The following CTDSPL2 variants were observed in gnomAD, a reference collection of about 807,000 sequenced individuals.
CTDSPL2 encodes the protein CTD small phosphatase like 2.
A neutral mutation model predicts 60.0 loss-of-function variants in CTDSPL2; 5 were observed. The ratio of observed to expected loss-of-function variants is 0.08; its 90% CI spans 0.04 to 0.18. The LOEUF (loss-of-function observed/expected upper bound fraction) is 0.18. Ranked by LOEUF, CTDSPL2 falls within the 10% of genes least tolerant of loss-of-function variation. The probability of loss-of-function intolerance (pLI) is 1.00; values close to 1 mark genes in which losing one functional copy is unlikely to be tolerated. For synonymous variants in CTDSPL2, 186 were observed against 189.3 expected (o/e 0.98, Z 0.14); for missense variants, 370 against 548.8 (o/e 0.67, Z 3.26).
chr15:44,523,743 C>T (rs1475781360), intron 12 of CTDSPL2, among the ~76,000 whole-genome samples: 1 of 152,088 alleles, frequency 6.6e-6, no homozygotes, highest in Non-Finnish European at 1.5e-5. Flanking sequence ...ACAAAAATTA[C>T]AAAAAATTAG....
At chr15:44,475,242 T>C (rs557590918) in intron 2 of CTDSPL2, among the ~76,000 whole-genome samples, 30 of 152,232 alleles carry the variant, frequency 2.0e-4, no homozygotes, top group Non-Finnish European at 3.2e-4. Context: ...CATGCTTCTT[T>C]TACTGACTTT....
rs530672866 is a variant in CTDSPL2, at chr15:44,496,477, T to G, written c.770+19T>G. The G allele has an allele frequency of 6.3e-7, 1 of 1,591,526 alleles. No individual in the cohort carries two copies. Among genetic ancestry groups the G allele is most frequent in the Admixed American group, 1.7e-5 (1 of 59,734 alleles). On this transcript the variant is annotated intron_variant, in intron 6 of 12. Coordinates refer to ENST00000260327, the MANE Select transcript of CTDSPL2 (RefSeq NM_016396.3). ...TTGACCCGTGAGTTGCTTTTTTCTC[T>G]TTTTTTCTTTCCTTTTTGGAGCATG...
chr15:44,483,079 T>C (rs1359818907), intron 2 of CTDSPL2, among the ~76,000 whole-genome samples: 2 of 151,858 alleles, frequency 1.3e-5, no homozygotes, highest in East Asian at 3.9e-4. Context: ...ACCAATATGG[T>C]GATGCCCTGT....
chr15:44,442,245 G>C (rs368230496), intron 1 of CTDSPL2, among the ~76,000 whole-genome samples: 24 of 152,290 alleles, frequency 1.6e-4, no homozygotes, highest in African/African-American at 5.8e-4. Context: ...GAGGTCACGA[G>C]TTCGAGACCA....
intron 4 of CTDSPL2, among the ~76,000 whole-genome samples, chr15:44,488,230 G>T (rs2081155085): frequency 6.6e-6 from 1 of 152,142 alleles, no homozygotes; most frequent in African/African-American, 2.4e-5. Flanking sequence ...AGATCACTTG[G>T]GCAGTAGTGT....
intron 12 of CTDSPL2, among the ~76,000 whole-genome samples, chr15:44,522,133 A>T (rs1040775550): frequency 1.3e-5 from 2 of 152,016 alleles, no homozygotes; most frequent in Admixed American, 1.3e-4. Context: ...TCCTGGGCTC[A>T]ATCTATCCTC....
At chr15:44,447,173 C>A (rs1041934857) in intron 1 of CTDSPL2, among the ~76,000 whole-genome samples, 1 of 152,168 alleles carries the variant, frequency 6.6e-6, no homozygotes, top group Non-Finnish European at 1.5e-5. Flanking sequence ...ACAGACACTA[C>A]TTTATGTGGT....
intron 12 of CTDSPL2, among the ~76,000 whole-genome samples, chr15:44,522,572 G>T (rs1365455110): frequency 6.6e-6 from 1 of 151,990 alleles, no homozygotes; most frequent in Non-Finnish European, 1.5e-5. Flanking sequence ...GGCCAACATG[G>T]TGAAACCCCA....
chr15:44,491,958 G>T (rs183357570), intron 5 of CTDSPL2, among the ~76,000 whole-genome samples: 20 of 152,196 alleles, frequency 1.3e-4, no homozygotes, highest in African/African-American at 4.8e-4. Context: ...CCACCTCCTG[G>T]GTTCAAGCGA....
intron 2 of CTDSPL2, among the ~76,000 whole-genome samples, chr15:44,463,040 A>G (rs2080607813): frequency 6.6e-6 from 1 of 151,740 alleles, no homozygotes; most frequent in South Asian, 2.1e-4. Context: ...TTTTTGTCCA[A>G]GTTTCTTTTT....
intron 3 of CTDSPL2, among the ~76,000 whole-genome samples, chr15:44,485,337 T>C (rs1422526174): frequency 6.6e-6 from 1 of 152,204 alleles, no homozygotes; most frequent in Non-Finnish European, 1.5e-5. Context: ...CAGAGACAGC[T>C]ATAAAGAATA....
At chr15:44,521,613 C>T (rs1453353443) in intron 12 of CTDSPL2, among the ~76,000 whole-genome samples, 3 of 152,030 alleles carry the variant, frequency 2.0e-5, no homozygotes, top group East Asian at 3.9e-4. Context: ...TGAGGTCATA[C>T]TAGGCAACAT....
chr15:44,444,768 T>C (rs2080169022), intron 1 of CTDSPL2, among the ~76,000 whole-genome samples: 1 of 150,288 alleles, frequency 6.7e-6, no homozygotes, highest in Admixed American at 6.6e-5. Flanking sequence ...TATATAGTTT[T>C]CCCAGTACCA....
In CTDSPL2 at chr15:44,522,519, G is replaced by A. The variant is rs1279420547; in HGVS notation, c.1335+1113G>A. On this transcript the variant is annotated intron_variant, in intron 12 of 12. Transcript: ENST00000260327. ...TGTAATCCCAGTACTTTGGGAGGCCGAGGCAGGCAGATCACTTGAGGTCAG... is the reference window on the plus strand; with the variant it reads ...TGTAATCCCAGTACTTTGGGAGGCCAAGGCAGGCAGATCACTTGAGGTCAG... Among the ~76,000 whole-genome samples the A allele has an allele frequency of 1.3e-5, 2 of 152,202 alleles. 1 individual carries two copies. Among genetic ancestry groups the A allele is most frequent in the South Asian group, 4.1e-4 (2 of 4,832 alleles).
At chr15:44,444,674 A>G (rs1215433202) in intron 1 of CTDSPL2, among the ~76,000 whole-genome samples, 2 of 150,724 alleles carry the variant, frequency 1.3e-5, no homozygotes, top group African/African-American at 4.9e-5. Context: ...TCTTAGCTCT[A>G]ATGTTTAGGT....
intron 1 of CTDSPL2, among the ~76,000 whole-genome samples, chr15:44,432,768 C>T (rs535885131): frequency 4.0e-5 from 6 of 151,280 alleles, no homozygotes; most frequent in East Asian, 2.0e-4. Flanking sequence ...TACAGGTGCC[C>T]GCTATCACGC....
chr15:44,464,170 C>T (rs1016636460), intron 2 of CTDSPL2, among the ~76,000 whole-genome samples: 72 of 152,146 alleles, frequency 4.7e-4, no homozygotes, highest in African/African-American at 1.7e-3. Flanking sequence ...CCACTACGCC[C>T]GCAACAGCTC....
chr15:44,510,079 G>A (rs1351547322), intron 8 of CTDSPL2, among the ~76,000 whole-genome samples: 1 of 151,582 alleles, frequency 6.6e-6, no homozygotes, highest in East Asian at 1.9e-4. Context: ...TCTGTCTCCT[G>A]GGTTCAAGCA....
Position 44,457,940 on chromosome 15 carries a change from CT to C in CTDSPL2, c.-24-1043del, listed in dbSNP as rs976715882. On this transcript the variant is annotated intron_variant, in intron 1 of 12. Transcript: ENST00000260327. ...GTAGTTTCTATTTTTTAAAAAGTTT[CT>C]TTTTTTTCTATGATTGTTTTGTTGA... Among the ~76,000 whole-genome samples, 34 of 151,926 alleles carry C rather than the reference CT, an allele frequency of 2.2e-4. 1 individual carries two copies. The highest frequency in any genetic ancestry group is 6.6e-5 in the Admixed American group (1 of 15,250).
Sources: gnomAD v4.1 joint callset for allele counts (sites outside exome capture counted in the v4.1 genomes callset) on GRCh38, gnomAD v4.1.1 for gene constraint, MANE v1.5 for transcripts, NCBI Gene and HGNC (gene_info 2026-07-23, HGNC 2026-07-21) for gene names.